DIPK1A: variants seen among roughly 807,000 people sequenced by gnomAD.
DIPK1A encodes divergent protein kinase domain 1A, also known as family with sequence similarity 69 member A.
In DIPK1A, 27 loss-of-function variants were observed where a neutral mutation model predicts 40.8. That is an observed-to-expected ratio of 0.66 (90% CI 0.49 to 0.91). The LOEUF is 0.91. DIPK1A is among the 40% of genes least tolerant of loss of function. The pLI is 0.00. For synonymous variants in DIPK1A, 166 were observed against 171.3 expected (o/e 0.97, Z 0.24); for missense variants, 412 against 505.7 (o/e 0.81, Z 1.78).
Position 92,955,689 on chromosome 1 carries a change from C to G in DIPK1A, c.54+5687G>C, listed in dbSNP as rs1326408091. Reference sequence around the variant, plus strand: ...CTACAGCCTGGGTGACAGAGTGAGACTCTGTCTCAAAAAAAAAAAAAAAGA... The same window carrying G: ...CTACAGCCTGGGTGACAGAGTGAGAGTCTGTCTCAAAAAAAAAAAAAAAGA... On this transcript the variant is annotated intron_variant, in intron 1 of 4. Transcript: ENST00000370310. Among the ~76,000 whole-genome samples, 18 of 128,230 alleles carry G rather than the reference C, an allele frequency of 1.4e-4. No individual in the cohort carries two copies. In the South Asian group the frequency reaches 1.5e-3, roughly 11 times the overall value. The allele number at this position is 128,230 out of a possible 152,430, so 84.1% of individuals were successfully genotyped here.
chr1:92,838,001 C>T (rs1687193655), downstream of DIPK1A, among the ~76,000 whole-genome samples: 1 of 152,200 alleles, frequency 6.6e-6, no homozygotes, highest in Admixed American at 6.5e-5. Flanking sequence ...TTATCTCAGA[C>T]ATGTACACAG....
At chr1:92,954,108 C>A (rs987995600) in intron 1 of DIPK1A, among the ~76,000 whole-genome samples, 1 of 151,938 alleles carries the variant, frequency 6.6e-6, no homozygotes, top group Non-Finnish European at 1.5e-5. Context: ...TTTCTAAACT[C>A]GCATACTTCG....
At chr1:92,878,840 C>CAAAG (rs1648248167) in intron 1 of DIPK1A, among the ~76,000 whole-genome samples, 1 of 148,362 alleles carries the variant, frequency 6.7e-6, no homozygotes, top group African/African-American at 2.5e-5. Flanking sequence ...AACAAACAAA[C>CAAAG]AAACAAACAA....
chr1:92,935,781 G>T (rs1650922665), intron 1 of DIPK1A, among the ~76,000 whole-genome samples: 1 of 151,464 alleles, frequency 6.6e-6, no homozygotes, highest in South Asian at 2.1e-4. Flanking sequence ...ACTAACTAAA[G>T]ACATTAAAAC....
At chr1:92,858,514 T>A (rs770548126) in intron 2 of DIPK1A, among the ~76,000 whole-genome samples, 1 of 152,234 alleles carries the variant, frequency 6.6e-6, no homozygotes, top group Non-Finnish European at 1.5e-5. Context: ...ACATAAATAG[T>A]GGCTTTGGCT....
chr1:92,914,523 A>G (rs1649966403), intron 1 of DIPK1A, among the ~76,000 whole-genome samples: 1 of 152,104 alleles, frequency 6.6e-6, no homozygotes, highest in African/African-American at 2.4e-5. Flanking sequence ...TAATCCCAGC[A>G]CTTTGGGAGG....
At chr1:92,871,400 G>A (rs1354732339) in intron 2 of DIPK1A, among the ~76,000 whole-genome samples, 1 of 152,116 alleles carries the variant, frequency 6.6e-6, no homozygotes, top group East Asian at 1.9e-4. Flanking sequence ...ACCGACCTCA[G>A]GTGATCTGCC....
At chr1:92,893,331 G>T (rs1317331895) in intron 1 of DIPK1A, among the ~76,000 whole-genome samples, 1 of 151,822 alleles carries the variant, frequency 6.6e-6, no homozygotes, top group African/African-American at 2.4e-5. Context: ...AGCCAGAAGA[G>T]AGTGGGGGCC....
chr1:92,944,682 G>C (rs1409437253), intron 1 of DIPK1A, among the ~76,000 whole-genome samples: 1 of 152,166 alleles, frequency 6.6e-6, no homozygotes, highest in Non-Finnish European at 1.5e-5. Flanking sequence ...ACCCAGGCTG[G>C]AGTGCAGTGG....
chr1:92,851,079 C>G (rs1351477630), intron 2 of DIPK1A, 124 bp from the exon 3 acceptor site: 23 of 645,918 alleles, frequency 3.6e-5, no homozygotes, highest in Non-Finnish European at 5.9e-5. Flanking sequence ...TGGACTTAGA[C>G]AGACCTGGAT....
At chr1:92,847,380 A>T in intron 3 of DIPK1A, 21 bp from the exon 4 acceptor site, 1 of 1,568,812 alleles carries the variant, frequency 6.4e-7, no homozygotes, top group Non-Finnish European at 8.7e-7. Flanking sequence ...AAGAGTGGCA[A>T]GTTATGTATT....
intron 2 of DIPK1A, among the ~76,000 whole-genome samples, chr1:92,858,646 G>A (rs1557456281): frequency 6.6e-6 from 1 of 152,078 alleles, no homozygotes; most frequent in Non-Finnish European, 1.5e-5. Context: ...GACTAGTCTG[G>A]CATTCAGCTA....
At chr1:92,840,784 A>T (rs1262424456), downstream of DIPK1A, 1 of 749,954 alleles carries the variant, frequency 1.3e-6, no homozygotes, top group Non-Finnish European at 2.4e-6. Context: ...TTGCAAAAGT[A>T]ACTGTGGTGA....
chr1:92,892,503 G>A (rs966160749), intron 1 of DIPK1A, among the ~76,000 whole-genome samples: 40 of 152,128 alleles, frequency 2.6e-4, no homozygotes, highest in Middle Eastern at 3.4e-3. Context: ...CCACCTGTAC[G>A]TCACCATCAT....
downstream of DIPK1A, among the ~76,000 whole-genome samples, chr1:92,838,295 T>G (rs929059045): frequency 1.3e-5 from 2 of 152,110 alleles, no homozygotes; most frequent in African/African-American, 4.8e-5. Context: ...GGAAAAGGAG[T>G]AGTTTTTTAT....
At chr1:92,836,538 G>C in intron 4 of DIPK1A, 1 of 732,246 alleles carries the variant, frequency 1.4e-6, no homozygotes, top group Non-Finnish European at 2.4e-6. Flanking sequence ...GAACCTAGTA[G>C]GGCAGGAAGG....
At chr1:92,918,982 C>G (rs1179739231) in intron 1 of DIPK1A, among the ~76,000 whole-genome samples, 2 of 152,218 alleles carry the variant, frequency 1.3e-5, no homozygotes, top group Non-Finnish European at 2.9e-5. Flanking sequence ...GCCCACCACT[C>G]TCTTCCTGCC....
chr1:92,901,338 G>A (rs1222573843), intron 1 of DIPK1A, among the ~76,000 whole-genome samples: 1 of 151,922 alleles, frequency 6.6e-6, no homozygotes. Flanking sequence ...AGGGTCCTAG[G>A]TGCAGGGTTT....
chr1:92,948,289 A>G (rs7519363), intron 1 of DIPK1A, among the ~76,000 whole-genome samples: 4,623 of 152,222 alleles, frequency 0.03, 205 homozygotes, highest in African/African-American at 0.1. Context: ...TGTTGTCTGG[A>G]AAACTGGAAG....
Sources: gnomAD v4.1 joint callset for allele counts (sites outside exome capture counted in the v4.1 genomes callset) on GRCh38, gnomAD v4.1.1 for gene constraint, MANE v1.5 for transcripts, NCBI Gene and HGNC (gene_info 2026-07-23, HGNC 2026-07-21) for gene names.